The following GRM8 variants were observed in gnomAD, a reference collection of about 807,000 sequenced individuals.
GRM8 encodes the protein metabotropic glutamate receptor 8.
In GRM8, 47 loss-of-function variants were observed where a neutral mutation model predicts 87.2. That is an observed-to-expected ratio of 0.54 (90% CI 0.43 to 0.69). The LOEUF is 0.69. GRM8 is among the 30% of genes least tolerant of loss of function. The pLI is 0.00. For missense variants in GRM8, 1,019 were observed against 1,139.2 expected (o/e 0.89, Z 1.52); for synonymous variants, 396 against 404.5 (o/e 0.98, Z 0.25).
At chr7:127,045,055 T>G (rs531654292) in intron 3 of GRM8, among the ~76,000 whole-genome samples, 14 of 152,294 alleles carry the variant, frequency 9.2e-5, no homozygotes, top group Admixed American at 8.5e-4. Flanking sequence ...TTCAGTGACA[T>G]TTTCATATTT....
At chr7:127,191,819 C>T (rs1224610726) in intron 2 of GRM8, among the ~76,000 whole-genome samples, 3 of 152,144 alleles carry the variant, frequency 2.0e-5, no homozygotes, top group Non-Finnish European at 4.4e-5. Flanking sequence ...GAAGAATATA[C>T]TGTGAAGAAT....
At chr7:126,875,289 A>T (rs1165525382) in intron 6 of GRM8, among the ~76,000 whole-genome samples, 2 of 152,174 alleles carry the variant, frequency 1.3e-5, no homozygotes, top group Admixed American at 6.5e-5. Context: ...GAAAAAAAAA[A>T]ACAAACAGAA....
intron 2 of GRM8, among the ~76,000 whole-genome samples, chr7:127,182,893 G>T (rs986352671): frequency 5.3e-5 from 8 of 151,622 alleles, no homozygotes; most frequent in Non-Finnish European, 8.9e-5. Flanking sequence ...TGGGGACTTG[G>T]GGGGAAGAGT....
intron 9 of GRM8, among the ~76,000 whole-genome samples, chr7:126,513,194 T>TA (rs947029982): frequency 5.2e-4 from 78 of 151,398 alleles, no homozygotes; most frequent in East Asian, 7.8e-4. Flanking sequence ...CTCTTGTTTT[T>TA]AAAAAAAAAG....
chr7:127,162,682 C>G (rs940148239), intron 2 of GRM8, among the ~76,000 whole-genome samples: 7 of 152,154 alleles, frequency 4.6e-5, no homozygotes, highest in African/African-American at 1.7e-4. Context: ...TCCAAACTGC[C>G]TTTTACTGGA....
intron 8 of GRM8, among the ~76,000 whole-genome samples, chr7:126,599,073 C>T (rs1797480692): frequency 6.6e-6 from 1 of 152,118 alleles, no homozygotes; most frequent in Non-Finnish European, 1.5e-5. Context: ...ATGGCAGATG[C>T]TCCTCAAAGA....
chr7:126,504,802 C>T (rs1462610639), intron 9 of GRM8, among the ~76,000 whole-genome samples: 1 of 151,808 alleles, frequency 6.6e-6, no homozygotes, highest in Non-Finnish European at 1.5e-5. Context: ...ACATATTTAC[C>T]AGTGTTTACA....
chr7:126,780,336 T>C (rs763366959), intron 6 of GRM8, among the ~76,000 whole-genome samples: 21 of 152,304 alleles, frequency 1.4e-4, no homozygotes, highest in Admixed American at 1.0e-3. Flanking sequence ...GTTGTCATAA[T>C]TAAATGAGTT....
At chr7:126,460,423 A>G (rs1248764682) in intron 9 of GRM8, among the ~76,000 whole-genome samples, 1 of 151,634 alleles carries the variant, frequency 6.6e-6, no homozygotes, top group Non-Finnish European at 1.5e-5. Context: ...ATCATTTCAA[A>G]TAGGTCAAAA....
intron 7 of GRM8, among the ~76,000 whole-genome samples, chr7:126,651,964 G>C (rs1222732035): frequency 6.6e-6 from 1 of 152,208 alleles, no homozygotes; most frequent in Non-Finnish European, 1.5e-5. Context: ...ACCTGCTGGG[G>C]TGCTTGCTGA....
chr7:126,630,446 C>T (rs1479904157), intron 7 of GRM8, among the ~76,000 whole-genome samples: 1 of 152,036 alleles, frequency 6.6e-6, no homozygotes, highest in African/African-American at 2.4e-5. Context: ...TTGGTATCTA[C>T]CAGAGGTACA....
chr7:126,607,841 C>T (rs925841173), intron 8 of GRM8, among the ~76,000 whole-genome samples: 2 of 130,788 alleles, frequency 1.5e-5, no homozygotes, highest in Non-Finnish European at 3.2e-5. Flanking sequence ...AATGCTATCC[C>T]TCCCCCCTCC....
intron 3 of GRM8, among the ~76,000 whole-genome samples, chr7:126,999,281 A>C (rs1454572265): frequency 6.6e-6 from 1 of 151,970 alleles, no homozygotes; most frequent in Non-Finnish European, 1.5e-5. Flanking sequence ...TCAAACCATG[A>C]AATTACTATA....
intron 4 of GRM8, 38 bp from the exon 5 acceptor site, chr7:126,904,164 T>C (rs200369624): frequency 8.1e-4 from 1,226 of 1,513,104 alleles, no homozygotes; most frequent in Non-Finnish European, 1.0e-3. Flanking sequence ...ATCACATGTA[T>C]TAAAAATACC....
chr7:126,731,478 C>T (rs952805123), intron 7 of GRM8, among the ~76,000 whole-genome samples: 6 of 151,806 alleles, frequency 4.0e-5, no homozygotes, highest in African/African-American at 9.7e-5. Context: ...TAATATTGGC[C>T]GAATATTCCC....
At chr7:126,921,467 T>C (rs1804527002) in intron 3 of GRM8, among the ~76,000 whole-genome samples, 1 of 152,050 alleles carries the variant, frequency 6.6e-6, no homozygotes, top group Non-Finnish European at 1.5e-5. Flanking sequence ...ATAAGAACTT[T>C]TGGATTGAAA....
intron 3 of GRM8, among the ~76,000 whole-genome samples, chr7:126,923,545 A>G (rs1804764212): frequency 6.6e-6 from 1 of 152,208 alleles, no homozygotes; most frequent in Non-Finnish European, 1.5e-5. Context: ...TCTCACATAC[A>G]GACATAATTA....
chr7:127,047,926 A>C (rs1283613505), intron 3 of GRM8, among the ~76,000 whole-genome samples: 1 of 152,230 alleles, frequency 6.6e-6, no homozygotes, highest in Non-Finnish European at 1.5e-5. Context: ...ATATGTAGTG[A>C]TAACCAATAT....
intron 2 of GRM8, among the ~76,000 whole-genome samples, chr7:127,190,846 G>T (rs1326221913): frequency 6.6e-6 from 1 of 151,932 alleles, no homozygotes; most frequent in Non-Finnish European, 1.5e-5. Context: ...TTAAATATTA[G>T]CTTGAGGTAA....
Sources: gnomAD v4.1 joint callset for allele counts (sites outside exome capture counted in the v4.1 genomes callset) on GRCh38, gnomAD v4.1.1 for gene constraint, MANE v1.5 for transcripts, NCBI Gene and HGNC (gene_info 2026-07-23, HGNC 2026-07-21) for gene names.